ROBO2: variants seen among roughly 807,000 people sequenced by gnomAD.
ROBO2 encodes the protein roundabout guidance receptor 2, also known as roundabout homolog 2.
Under a neutral mutation model 160.8 loss-of-function variants are expected in ROBO2, and 53 were observed. The observed-to-expected ratio is 0.33, with a 90% CI of 0.26 to 0.41. ROBO2 has a LOEUF of 0.41. ROBO2 is among the 10% of genes least tolerant of loss of function. ROBO2 has a pLI of 1.00. For missense variants in ROBO2, 1,577 were observed against 1,722.4 expected (o/e 0.92, Z 1.49); for synonymous variants, 664 against 611.7 (o/e 1.09, Z -1.26).
At chr3:77,070,996 C>T (rs2149835698) in intron 1 of ROBO2, among the ~76,000 whole-genome samples, 1 of 152,172 alleles carries the variant, frequency 6.6e-6, no homozygotes, top group East Asian at 1.9e-4. Context: ...GGGGAAAAGT[C>T]ATAAGTGGCT....
At chr3:77,642,235 C>T (rs2095360201) in intron 24 of ROBO2, among the ~76,000 whole-genome samples, 1 of 152,290 alleles carries the variant, frequency 6.6e-6, no homozygotes, top group South Asian at 2.1e-4. Context: ...CCGAGGGTGA[C>T]ATTCCCTTTG....
At chr3:76,465,461 T>G (rs767766842) in intron 2 of ROBO2, among the ~76,000 whole-genome samples, 152 of 152,148 alleles carry the variant, frequency 1.0e-3, no homozygotes, top group South Asian at 2.1e-3. Flanking sequence ...AGCCATTGTA[T>G]TTTGCTTTTA....
intron 1 of ROBO2, among the ~76,000 whole-genome samples, chr3:75,925,516 A>T (rs1267334760): frequency 1.3e-5 from 2 of 152,024 alleles, no homozygotes; most frequent in African/African-American, 4.8e-5. Context: ...ATAACCTGAT[A>T]CTCTTTCTGA....
At position 75,921,381 on chromosome 3, in the gene ROBO2, T is replaced by C. The variant is rs145212136; in HGVS notation, c.-14+14421T>C. On this transcript the variant is annotated intron_variant, in intron 1 of 26. Transcript: ENST00000487694. ...ACACACACACACACATTGCATACTT[T>C]CATTTTTATGTCCATTACTTTTCTG... 3.7e-3 allele frequency among the ~76,000 whole-genome samples: 558 copies of C among 152,158 alleles called. 3 individuals carry two copies. The highest frequency in any genetic ancestry group is 0.013 in the African/African-American group (541 of 41,554).
intron 2 of ROBO2, among the ~76,000 whole-genome samples, chr3:76,615,622 A>G (rs1295091118): frequency 6.6e-6 from 1 of 152,198 alleles, no homozygotes; most frequent in Non-Finnish European, 1.5e-5. Flanking sequence ...GGGCCAAAAA[A>G]TAATTTTTGG....
intron 2 of ROBO2, among the ~76,000 whole-genome samples, chr3:77,473,876 G>A (rs998020209): frequency 6.6e-6 from 1 of 152,124 alleles, no homozygotes; most frequent in Non-Finnish European, 1.5e-5. Context: ...AGCAGCACTT[G>A]GACATGCTGA....
At chr3:75,995,295 C>T (rs557621892) in intron 2 of ROBO2, among the ~76,000 whole-genome samples, 141 of 152,164 alleles carry the variant, frequency 9.3e-4, no homozygotes, top group African/African-American at 3.2e-3. Context: ...ACCTTGCTGC[C>T]GTGTACAGTC....
chr3:76,458,944 T>C (rs1213140188), intron 2 of ROBO2, among the ~76,000 whole-genome samples: 7 of 152,238 alleles, frequency 4.6e-5, no homozygotes, highest in Admixed American at 3.9e-4. Flanking sequence ...AAGTTTAGGT[T>C]TGGGGGAGAC....
intron 2 of ROBO2, among the ~76,000 whole-genome samples, chr3:76,826,386 G>T (rs569588806): frequency 6.6e-6 from 1 of 152,086 alleles, no homozygotes; most frequent in African/African-American, 2.4e-5. Flanking sequence ...TATGGTTGTA[G>T]TAGTCATATC....
intron 2 of ROBO2, among the ~76,000 whole-genome samples, chr3:76,741,457 G>A (rs1472353816): frequency 2.0e-5 from 3 of 151,960 alleles, no homozygotes; most frequent in Non-Finnish European, 4.4e-5. Flanking sequence ...AGATGCCCTT[G>A]CCTAGAAATG....
At chr3:76,238,548 G>T (rs1004275659) in intron 2 of ROBO2, among the ~76,000 whole-genome samples, 1 of 150,994 alleles carries the variant, frequency 6.6e-6, no homozygotes, top group Non-Finnish European at 1.5e-5. Context: ...CTCCCCCCAG[G>T]TCTCCCCCTA....
At chr3:77,553,053 A>C (rs1376009565) in intron 8 of ROBO2, among the ~76,000 whole-genome samples, 1 of 151,974 alleles carries the variant, frequency 6.6e-6, no homozygotes, top group Non-Finnish European at 1.5e-5. Context: ...GGTTTTTACA[A>C]ATTGAAGGTT....
chr3:77,331,595 A>AT (rs890979939), intron 2 of ROBO2, among the ~76,000 whole-genome samples: 1 of 152,122 alleles, frequency 6.6e-6, no homozygotes, highest in African/African-American at 2.4e-5. Context: ...TGATATCTGA[A>AT]TTTTCTTAAG....
chr3:76,442,376 G>T (rs904191476), intron 2 of ROBO2, among the ~76,000 whole-genome samples: 1 of 152,094 alleles, frequency 6.6e-6, no homozygotes, highest in East Asian at 1.9e-4. Context: ...TTCTTCAGAC[G>T]TTTCTAGTTT....
chr3:76,274,746 G>C (rs370175183), intron 2 of ROBO2, among the ~76,000 whole-genome samples: 2 of 151,156 alleles, frequency 1.3e-5, no homozygotes, highest in South Asian at 2.1e-4. Flanking sequence ...GCTGAGGCAA[G>C]AGAATGGCTT....
intron 4 of ROBO2, among the ~76,000 whole-genome samples, chr3:77,491,360 C>G (rs1409216177): frequency 6.6e-6 from 1 of 152,166 alleles, no homozygotes; most frequent in African/African-American, 2.4e-5. Flanking sequence ...AATAGTGTCT[C>G]AAACCTCTTT....
chr3:77,622,421 G>C, exon 23 of ROBO2: 2 of 1,614,050 alleles, frequency 1.2e-6, no homozygotes, highest in Non-Finnish European at 1.7e-6. Context: ...AATCTAGACA[G>C]CTCTGTGACA....
rs7432686 is a variant in ROBO2, at chr3:77,142,864, C to T, written c.388+44524C>T. 2.1e-4 allele frequency among the ~76,000 whole-genome samples: 32 copies of T among 152,032 alleles called. 1 individual carries two copies. The highest frequency in any genetic ancestry group is 2.1e-3 in the Admixed American group (32 of 15,274). On this transcript the variant is annotated intron_variant, in intron 2 of 25. Coordinates refer to ENST00000461745, the Ensembl canonical transcript of ROBO2. ...CTGTTCCAGTCTCAATGCAATGCAG[C>T]GACCTGTCGCTAGTAGCCCTGTTTT...
intron 2 of ROBO2, among the ~76,000 whole-genome samples, chr3:76,193,138 C>T (rs1702092493): frequency 6.6e-6 from 1 of 152,134 alleles, no homozygotes; most frequent in African/African-American, 2.4e-5. Context: ...GTACTTCTTT[C>T]TCCACCCATC....
Sources: gnomAD v4.1 joint callset for allele counts (sites outside exome capture counted in the v4.1 genomes callset) on GRCh38, gnomAD v4.1.1 for gene constraint, MANE v1.5 for transcripts, NCBI Gene and HGNC (gene_info 2026-07-23, HGNC 2026-07-21) for gene names.